The following STX16 variants were observed in gnomAD, a reference collection of about 807,000 sequenced individuals.
STX16 encodes the protein syntaxin 16.
Under a neutral mutation model 42.7 loss-of-function variants are expected in STX16, and 28 were observed. That is an observed-to-expected ratio of 0.66 (90% CI 0.49 to 0.90). STX16 has a LOEUF of 0.90. STX16 is among the 40% of genes least tolerant of loss of function. The probability of loss-of-function intolerance (pLI) is 0.00; values close to 1 mark genes in which losing one functional copy is unlikely to be tolerated. For synonymous variants in STX16, 156 were observed against 155.2 expected (o/e 1.00, Z -0.04); for missense variants, 361 against 420.9 (o/e 0.86, Z 1.24).
chr20:58,671,002 A>C lies in STX16; in HGVS notation c.649-152A>C, dbSNP rs925133251. ...ATTTGAATCTTTCCTGTTAGGGAAA[A>C]ATGAGTGCTTACTGTGCTTTGTAGA... On this transcript the variant is annotated intron_variant, in intron 6 of 8. Coordinates refer to ENST00000371141, the MANE Select transcript of STX16 (RefSeq NM_001001433.3). The C allele has an allele frequency of 2.0e-5, 16 of 804,496 alleles. No individual in the cohort carries two copies. The East Asian group carries it at 4.5e-4, about 22-fold the overall frequency. The allele number at this position is 804,496 out of a possible 1,614,324, so 49.8% of individuals were successfully genotyped here.
intron 8 of STX16, among the ~76,000 whole-genome samples, chr20:58,675,261 G>T (rs1211407662): frequency 6.6e-6 from 1 of 152,208 alleles, no homozygotes; most frequent in Non-Finnish European, 1.5e-5. Context: ...CACCGCGGGG[G>T]ATGGAGCAGG....
At position 58,670,512 on chromosome 20, in the gene STX16, G is replaced by C; in HGVS notation, c.557G>C (p.Arg186Pro). ...FRHAQSGYLK[R>P]MKNREERSQH... The stretch of plus-strand genomic sequence containing the variant: ...TAAAATGAATTCCTATCTGTGATAG[G>C]CATGAAGAATCGAGAGGAAAGATCC... The change falls in exon 6 of 9, where the codon CGC becomes CCC. Residue 186 changes from arginine to proline, a missense_variant and splice_region_variant. Physicochemically the swap from Arg to Pro is moderately radical, Grantham distance 103. Coordinates refer to ENST00000371141, the MANE Select transcript of STX16 (RefSeq NM_001001433.3). 1 of 1,612,622 alleles carries C rather than the reference G, an allele frequency of 6.2e-7. No individual in the cohort carries two copies. The highest frequency in any genetic ancestry group is 8.5e-7 in the Non-Finnish European group (1 of 1,178,706).
intron 1 of STX16, among the ~76,000 whole-genome samples, chr20:58,654,290 C>G (rs1337788579): frequency 1.3e-5 from 2 of 152,064 alleles, no homozygotes; most frequent in Non-Finnish European, 2.9e-5. Flanking sequence ...ATAGGTTTTG[C>G]AGTCTAACAA....
At chr20:58,670,661 T>G in intron 6 of STX16, 58 bp downstream of exon 6, 1 of 1,408,304 alleles carries the variant, frequency 7.1e-7, no homozygotes, top group Non-Finnish European at 1.0e-6. Flanking sequence ...TCTGCATCTT[T>G]CACCTCCTAG....
intron 8 of STX16, among the ~76,000 whole-genome samples, chr20:58,675,355 C>T (rs1387786089): frequency 6.6e-6 from 1 of 152,264 alleles, no homozygotes; most frequent in East Asian, 1.9e-4. Context: ...AGAGGCAGCG[C>T]ATGCTCTCCC....
Position 58,670,542 on chromosome 20 carries a change from A to AT in STX16, c.593dup (p.Asp199ArgfsTer9). 6.2e-7 allele frequency: 1 copy of AT among 1,614,094 alleles called. No individual in the cohort carries two copies. Among genetic ancestry groups the AT allele is most frequent in the Non-Finnish European group, 8.5e-7 (1 of 1,179,976 alleles). On this transcript the variant is annotated frameshift_variant, in exon 6 of 9. Transcript: ENST00000371141. LOFTEE classifies it high-confidence loss of function. Reference sequence around the variant, plus strand: ...AAGAATCGAGAGGAAAGATCCCAGCATTTTTTCGACACATCAGTACCACTA... The same window carrying AT: ...AAGAATCGAGAGGAAAGATCCCAGCATTTTTTTCGACACATCAGTACCACTA...
At position 58,678,864 on chromosome 20, in the gene STX16, A is replaced by T. The variant is rs1482206129; in HGVS notation, c.*2573A>T. On this transcript the variant is annotated 3_prime_UTR_variant, in exon 9 of 9. Transcript: ENST00000371141. ...TCTTTCCCTTTACTCGCTGGCAGCC[A>T]TTGTCTGTGGGCACCTCATGTTTTT... 6.6e-6 allele frequency: 1 copy of T among 152,232 alleles called. No homozygotes were observed. 9.4% of individuals were successfully genotyped at this position (152,232 alleles called of 1,614,324 possible). A position where few individuals can be genotyped will look rare whatever the true frequency, so the allele number is the denominator to read the frequency against.
At chr20:58,675,726 G>C (rs2084099517) in intron 8 of STX16, among the ~76,000 whole-genome samples, 1 of 152,156 alleles carries the variant, frequency 6.6e-6, no homozygotes, top group Non-Finnish European at 1.5e-5. Context: ...GCCTCTTCCG[G>C]GTGTCTGTTG....
chr20:58,668,570 C>T (rs1423942808), intron 4 of STX16, among the ~76,000 whole-genome samples: 1 of 151,746 alleles, frequency 6.6e-6, no homozygotes, highest in Non-Finnish European at 1.5e-5. Context: ...TCAGTGTTTA[C>T]ATTTTTTACT....
At chr20:58,655,712 C>T (rs1026542965) in intron 1 of STX16, among the ~76,000 whole-genome samples, 1 of 152,198 alleles carries the variant, frequency 6.6e-6, no homozygotes, top group Non-Finnish European at 1.5e-5. Flanking sequence ...GGTCTTCCTT[C>T]TGTCTGGTAA....
At chr20:58,672,222 C>T (rs1459969510) in intron 7 of STX16, among the ~76,000 whole-genome samples, 1 of 152,038 alleles carries the variant, frequency 6.6e-6, no homozygotes, top group Non-Finnish European at 1.5e-5. Flanking sequence ...GTAACAGCTA[C>T]TCGGGAGGTT....
Position 58,670,392 on chromosome 20 carries a change from CG to C in STX16, c.557-118del, listed in dbSNP as rs1287813877. The C allele has an allele frequency of 7.3e-5, 53 of 726,138 alleles. No individual in the cohort carries two copies. The African/African-American group carries it at 7.7e-4, about 11-fold the overall frequency. The allele number at this position is 726,138 out of a possible 1,614,324, so 45.0% of individuals were successfully genotyped here. A position where few individuals can be genotyped will look rare whatever the true frequency, so the allele number is the denominator to read the frequency against. On this transcript the variant is annotated intron_variant, in intron 5 of 8. Transcript: ENST00000371141. ...CCATTGGAGATAGGCTTCTTTAAAG[CG>C]GCTAAGAATATCTCAATTTTGACTG...
chr20:58,672,412 G>A (rs1311445713), intron 7 of STX16, among the ~76,000 whole-genome samples: 2 of 150,114 alleles, frequency 1.3e-5, no homozygotes, highest in Non-Finnish European at 3.0e-5. Context: ...GAAACATAAA[G>A]GTATAAGAAA....
rs2084135530 is a variant in STX16, at chr20:58,676,670, A to G, written c.*379A>G. ...TTTTTAGCAGCCATGTCTGAGCAGAATGTTAACATAATTTTTGGAAAAATT... is the reference window on the plus strand; with the variant it reads ...TTTTTAGCAGCCATGTCTGAGCAGAGTGTTAACATAATTTTTGGAAAAATT... On this transcript the variant is annotated 3_prime_UTR_variant, in exon 9 of 9. Transcript: ENST00000371141. 1 of 158,866 alleles carries G rather than the reference A, an allele frequency of 6.3e-6. No individual in the cohort carries two copies. Among genetic ancestry groups the G allele is most frequent in the Non-Finnish European group, 1.4e-5 (1 of 72,588 alleles). The allele number at this position is 158,866 out of a possible 1,614,324, so 9.8% of individuals were successfully genotyped here. A position where few individuals can be genotyped will look rare whatever the true frequency, so the allele number is the denominator to read the frequency against.
In STX16 at chr20:58,669,381, G is replaced by A. The variant is rs116490884; in HGVS notation, c.484G>A (p.Val162Met). Residue 162 changes from valine (V) to methionine (M), a missense_variant, in exon 5 of 9, where the codon GTG becomes ATG. Transcript: ENST00000371141. ...GGAGGGGCGGCTGCTTGGGAACGTG[G>A]TGGCCTCGCTGGCGCAGGCCCTGCA... Reference protein sequence around the residue: ...EQEGRLLGNVVASLAQALQEL... With the variant: ...EQEGRLLGNVMASLAQALQEL... 5.6e-6 allele frequency: 9 copies of A among 1,612,130 alleles called. No individual in the cohort carries two copies. The highest frequency in any genetic ancestry group is 4.0e-5 in the African/African-American group (3 of 74,962).
At chr20:58,656,578 AAT>A (rs1461625286) in intron 1 of STX16, among the ~76,000 whole-genome samples, 1 of 152,242 alleles carries the variant, frequency 6.6e-6, no homozygotes, top group Non-Finnish European at 1.5e-5. Context: ...GAATGGATCT[AAT>A]ATAGGGGTTG....
intron 7 of STX16, 148 bp downstream of exon 7, chr20:58,671,445 T>TGG (rs1377486012): frequency 9.7e-6 from 4 of 412,968 alleles, no homozygotes; most frequent in Non-Finnish European, 1.7e-5. Context: ...TGGGTGTGTG[T>TGG]GTGTGTGTGT....
intron 2 of STX16, among the ~76,000 whole-genome samples, chr20:58,660,423 G>GT (rs1221865344): frequency 6.6e-6 from 1 of 152,186 alleles, no homozygotes; most frequent in African/African-American, 2.4e-5. Context: ...GAATAGTAAA[G>GT]TAGGATTAGG....
chr20:58,663,248 A>G (rs757061927), intron 2 of STX16, among the ~76,000 whole-genome samples: 1 of 152,224 alleles, frequency 6.6e-6, no homozygotes, highest in Non-Finnish European at 1.5e-5. Flanking sequence ...CTATTTCTGT[A>G]ATCTTAGTCT....
Sources: allele counts gnomAD v4.1 joint callset (sites outside exome capture counted in the v4.1 genomes callset), GRCh38; gene constraint gnomAD v4.1.1; transcripts MANE v1.5; gene names NCBI Gene and HGNC (gene_info 2026-07-23, HGNC 2026-07-21).